The following SLC9A9 variants were observed in gnomAD, a reference collection of about 807,000 sequenced individuals.
SLC9A9 encodes sodium/hydrogen exchanger 9.
Under a neutral mutation model 77.8 loss-of-function variants are expected in SLC9A9, and 62 were observed. That is an observed-to-expected ratio of 0.80 (90% CI 0.65 to 0.98). The LOEUF (loss-of-function observed/expected upper bound fraction) is 0.98. Among genes scored for constraint, SLC9A9 ranks in the 50% least tolerant of loss-of-function variants. The pLI is 0.00. For synonymous variants in SLC9A9, 320 were observed against 283.5 expected (o/e 1.13, Z -1.29); for missense variants, 775 against 774.9 (o/e 1.00, Z 0.00).
At chr3:143,369,476 A>G (rs1336100413) in intron 13 of SLC9A9, among the ~76,000 whole-genome samples, 1 of 152,140 alleles carries the variant, frequency 6.6e-6, no homozygotes, top group Admixed American at 6.5e-5. Context: ...CATAATTTCA[A>G]ATAGCTAGAA....
intron 2 of SLC9A9, among the ~76,000 whole-genome samples, chr3:143,799,589 G>A (rs2008493113): frequency 1.3e-5 from 2 of 152,198 alleles, no homozygotes; most frequent in South Asian, 4.1e-4. Flanking sequence ...CTGGGCCAAG[G>A]AATGCCCGCA....
At chr3:143,834,844 T>C (rs1251181805) in intron 1 of SLC9A9, among the ~76,000 whole-genome samples, 1 of 152,068 alleles carries the variant, frequency 6.6e-6, no homozygotes, top group African/African-American at 2.4e-5. Flanking sequence ...GGTGACCAGA[T>C]GTAATATCCA....
At position 143,269,655 on chromosome 3, in the gene SLC9A9, G is replaced by A. The variant is rs576003806; in HGVS notation, c.1605-675C>T. 3.9e-5 allele frequency among the ~76,000 whole-genome samples: 6 copies of A among 152,260 alleles called. No individual in the cohort carries two copies. In the South Asian group the frequency reaches 1.2e-3, roughly 32 times the overall value. On this transcript the variant is annotated intron_variant, in intron 14 of 15. Transcript: ENST00000316549. ...CAATCTATCAATAATGAAATCCCCA[G>A]AGCTGCCTCAGGTTGCCTTATTTTA...
chr3:143,563,174 T>C (rs907177087), intron 8 of SLC9A9, among the ~76,000 whole-genome samples: 25 of 152,050 alleles, frequency 1.6e-4, no homozygotes, highest in African/African-American at 5.8e-4. Flanking sequence ...GCAAAGAAAT[T>C]TAGGAAACAG....
At chr3:143,759,481 A>T (rs1363905447) in intron 4 of SLC9A9, among the ~76,000 whole-genome samples, 1 of 152,106 alleles carries the variant, frequency 6.6e-6, no homozygotes, top group Non-Finnish European at 1.5e-5. Flanking sequence ...CTTCAGGTCT[A>T]TTGAAAGGCA....
At chr3:143,276,915 G>C (rs1010090710) in intron 14 of SLC9A9, among the ~76,000 whole-genome samples, 5 of 152,168 alleles carry the variant, frequency 3.3e-5, no homozygotes, top group Admixed American at 3.3e-4. Flanking sequence ...CTCTGGTCAG[G>C]GATGATTAAG....
chr3:143,498,578 A>G (rs2035878162), intron 9 of SLC9A9, among the ~76,000 whole-genome samples: 1 of 152,136 alleles, frequency 6.6e-6, no homozygotes, highest in African/African-American at 2.4e-5. Flanking sequence ...ATAAGAAAGA[A>G]TGAAAGAAAG....
At position 143,804,379 on chromosome 3, in the gene SLC9A9, G is replaced by A. The variant is rs185589209; in HGVS notation, c.379-7476C>T. Among the ~76,000 whole-genome samples the A allele has an allele frequency of 3.1e-4, 47 of 152,096 alleles. 1 individual carries two copies. The highest frequency in any genetic ancestry group is 8.2e-4 in the African/African-American group (34 of 41,464). The stretch of plus-strand genomic sequence containing the variant: ...CGTAAATAACAGTGAAAGGTTACTC[G>A]TAGACACTCAACGTTTTCTCCTACA... On this transcript the variant is annotated intron_variant, in intron 2 of 15. Coordinates refer to ENST00000316549, the MANE Select transcript of SLC9A9 (RefSeq NM_173653.4).
chr3:143,536,167 A>G (rs1331597035), intron 9 of SLC9A9, among the ~76,000 whole-genome samples: 1 of 152,234 alleles, frequency 6.6e-6, no homozygotes, highest in Non-Finnish European at 1.5e-5. Context: ...TGAAACTGAA[A>G]CTGGAAAGTG....
intron 4 of SLC9A9, among the ~76,000 whole-genome samples, chr3:143,732,997 A>AGG (rs1934846819): frequency 6.6e-6 from 1 of 152,180 alleles, no homozygotes; most frequent in African/African-American, 2.4e-5. Flanking sequence ...GAACATCATT[A>AGG]GGTAATAAAC....
chr3:143,463,523 G>C (rs838617), intron 12 of SLC9A9, among the ~76,000 whole-genome samples: 107,551 of 152,122 alleles, frequency 0.71, 38,785 homozygotes, highest in African/African-American at 0.85. Flanking sequence ...TGTTTCCTGG[G>C]TAACAGCAGA....
At chr3:143,831,290 A>C (rs2009428486) in intron 2 of SLC9A9, among the ~76,000 whole-genome samples, 1 of 152,188 alleles carries the variant, frequency 6.6e-6, no homozygotes, top group Non-Finnish European at 1.5e-5. Flanking sequence ...ATTTATTCCA[A>C]AGACTGATCC....
intron 8 of SLC9A9, among the ~76,000 whole-genome samples, chr3:143,562,533 A>G (rs1191150103): frequency 6.6e-6 from 1 of 152,066 alleles, no homozygotes; most frequent in African/African-American, 2.4e-5. Context: ...AAAACTTAAT[A>G]GGAGAAACAA....
chr3:143,317,376 A>G (rs1230068194), intron 14 of SLC9A9, among the ~76,000 whole-genome samples: 3 of 151,982 alleles, frequency 2.0e-5, no homozygotes, highest in Non-Finnish European at 4.4e-5. Context: ...GCCCACACCA[A>G]AGGAGAACTC....
chr3:143,616,295 T>C (rs1576612388), intron 6 of SLC9A9, among the ~76,000 whole-genome samples: 2 of 152,150 alleles, frequency 1.3e-5, no homozygotes, highest in East Asian at 3.9e-4. Context: ...TGTAAAACAT[T>C]AGAAACAGTG....
intron 6 of SLC9A9, among the ~76,000 whole-genome samples, chr3:143,617,983 T>A (rs1466075195): frequency 6.6e-6 from 1 of 152,158 alleles, no homozygotes; most frequent in African/African-American, 2.4e-5. Context: ...GGCAATGGGA[T>A]CACTTAAGAG....
At chr3:143,402,723 C>T (rs1412180387) in intron 12 of SLC9A9, among the ~76,000 whole-genome samples, 5 of 150,836 alleles carry the variant, frequency 3.3e-5, no homozygotes, top group Non-Finnish European at 7.4e-5. Context: ...ATCCCCTTTC[C>T]CTTCAGGATA....
Position 143,741,876 on chromosome 3 carries a change from G to A in SLC9A9, c.534-48569C>T, listed in dbSNP as rs151122816. Among the ~76,000 whole-genome samples the A allele has an allele frequency of 4.0e-3, 609 of 152,132 alleles. 4 individuals carry two copies. The highest frequency in any genetic ancestry group is 0.014 in the African/African-American group (592 of 41,502). On this transcript the variant is annotated intron_variant, in intron 4 of 15. Coordinates refer to ENST00000316549, the MANE Select transcript of SLC9A9 (RefSeq NM_173653.4). ...AAGCTGCCCTTGTTCATTCCTGGGC[G>A]TAGGCTGAGTTAACTTTGGGAGAAA...
chr3:143,826,648 A>G (rs78202915), intron 2 of SLC9A9, among the ~76,000 whole-genome samples: 2,645 of 152,228 alleles, frequency 0.017, 81 homozygotes, highest in African/African-American at 0.06. Context: ...GTCTGCCTTC[A>G]TTTTCAGCTC....
Sources: allele counts gnomAD v4.1 joint callset (sites outside exome capture counted in the v4.1 genomes callset), GRCh38; gene constraint gnomAD v4.1.1; transcripts MANE v1.5; gene names NCBI Gene and HGNC (gene_info 2026-07-23, HGNC 2026-07-21).